The following FDFT1 variants were observed in gnomAD, a reference collection of about 807,000 sequenced individuals.
The protein encoded by FDFT1 is farnesyl-diphosphate farnesyltransferase 1, also known as squalene synthase.
FDFT1 carries 68 observed loss-of-function variants against 46.8 expected under a neutral mutation model. That is an observed-to-expected ratio of 1.45 (90% CI 1.19 to 1.78). The LOEUF (loss-of-function observed/expected upper bound fraction) is 1.78. Ranked by LOEUF, FDFT1 falls within the 40% of genes most tolerant of loss-of-function variation. The pLI, the probability that FDFT1 is intolerant of heterozygous loss-of-function variation, is 0.00. For missense variants in FDFT1, 928 were observed against 524.4 expected, an observed-to-expected ratio of 1.77 and a Z score of -7.52; for synonymous variants, 351 against 185.1, an observed-to-expected ratio of 1.90 and a Z score of -7.28.
chr8:11,797,618 GTC>G (rs1216735356), upstream of FDFT1, among the ~76,000 whole-genome samples: 1 of 112,760 alleles, frequency 8.9e-6, no homozygotes, highest in Non-Finnish European at 1.6e-5. Context: ...ATAAGACCCT[GTC>G]TGTCTCTCAC....
At chr8:11,810,577 G>A (rs1375014923) in intron 3 of FDFT1, among the ~76,000 whole-genome samples, 1 of 152,098 alleles carries the variant, frequency 6.6e-6, no homozygotes, top group Non-Finnish European at 1.5e-5. Context: ...TAGCTATTTG[G>A]TCTATTTTGT....
chr8:11,836,031 T>C (rs1811495139), intron 7 of FDFT1, among the ~76,000 whole-genome samples: 1 of 142,536 alleles, frequency 7.0e-6, no homozygotes, highest in Non-Finnish European at 1.5e-5. Context: ...CAGGTGCCTG[T>C]AATCCCACCT....
At chr8:11,800,841 C>T (rs982543591), upstream of FDFT1, among the ~76,000 whole-genome samples, 3 of 152,242 alleles carry the variant, frequency 2.0e-5, no homozygotes, top group East Asian at 1.9e-4. Flanking sequence ...CTTTTTATAC[C>T]GTCATGGCTG....
At chr8:11,831,728 T>A in intron 7 of FDFT1, 58 bp downstream of exon 7, 1 of 1,379,248 alleles carries the variant, frequency 7.3e-7, no homozygotes, top group East Asian at 2.3e-5. Flanking sequence ...TTTAGTAATG[T>A]CACTGTTTAA....
At position 11,821,841 on chromosome 8, in the gene FDFT1, T is replaced by C. The variant is rs757081603; in HGVS notation, c.473T>C (p.Leu158Ser). Residue 158 changes from leucine (L) to serine (S), a missense_variant, in exon 4 of 8, where the codon TTG (leucine) becomes TCG (serine). By Grantham distance (145) the Leu-to-Ser change is moderately radical. Coordinates refer to ENST00000220584, the MANE Select transcript of FDFT1 (RefSeq NM_004462.5). The part of the protein sequence containing the change: ...RRMGIGMAEF[L>S]DKHVTSEQEW... ...ATGGGCATTGGGATGGCAGAGTTTT[T>C]GGATAAGCATGTGACCTCTGAACAG... 1.9e-6 allele frequency: 3 copies of C among 1,613,636 alleles called. No individual in the cohort carries two copies. Among genetic ancestry groups the C allele is most frequent in the Admixed American group, 1.7e-5 (1 of 59,996 alleles).
At chr8:11,833,858 T>C (rs1811195843) in intron 7 of FDFT1, among the ~76,000 whole-genome samples, 1 of 152,212 alleles carries the variant, frequency 6.6e-6, no homozygotes, top group South Asian at 2.1e-4. Context: ...ACTCAAGGCA[T>C]TAGGGGAGAA....
upstream of FDFT1, chr8:11,802,081 T>TC: frequency 1.5e-5 from 7 of 455,376 alleles, no homozygotes; most frequent in South Asian, 1.1e-4. Context: ...AGCTCCTTTT[T>TC]CTAGGACTAA....
chr8:11,812,700 C>G (rs1366836546), intron 3 of FDFT1, among the ~76,000 whole-genome samples: 1 of 152,144 alleles, frequency 6.6e-6, no homozygotes, highest in South Asian at 2.1e-4. Context: ...TCCATTTGTC[C>G]TCTTATCCCA....
At chr8:11,805,124 C>T (rs1270626030) in intron 1 of FDFT1, among the ~76,000 whole-genome samples, 1 of 151,732 alleles carries the variant, frequency 6.6e-6, no homozygotes, top group Non-Finnish European at 1.5e-5. Flanking sequence ...GCTGCATTGC[C>T]CAGGCTGGTC....
intron 5 of FDFT1, among the ~76,000 whole-genome samples, chr8:11,827,519 A>G (rs991375006): frequency 6.8e-6 from 1 of 146,818 alleles, no homozygotes; most frequent in African/African-American, 2.5e-5. Flanking sequence ...CTGTCTCAAG[A>G]AAAAAAAAAA....
chr8:11,833,678 C>T (rs1811169199), intron 7 of FDFT1, among the ~76,000 whole-genome samples: 1 of 152,186 alleles, frequency 6.6e-6, no homozygotes, highest in African/African-American at 2.4e-5. Context: ...CAGAACACAG[C>T]CACACCCATT....
At chr8:11,802,112 TAG>T (rs1362373247), upstream of FDFT1, 1 of 454,470 alleles carries the variant, frequency 2.2e-6, no homozygotes, top group African/African-American at 2.0e-5. Flanking sequence ...AAGTAAACAC[TAG>T]AGAGGGGGCA....
At position 11,837,242 on chromosome 8, in the gene FDFT1, GT is replaced by G. The variant is rs200087386; in HGVS notation, c.1033-1140del. ...GACAGTTGTTCTTTTGTTTTTGTTTGTTTTTTGAGACAGGGTCTTGTTCTGT... is the reference window on the plus strand; with the variant it reads ...GACAGTTGTTCTTTTGTTTTTGTTTGTTTTTGAGACAGGGTCTTGTTCTGT... On this transcript the variant is annotated intron_variant, in intron 7 of 7. Transcript: ENST00000220584. Among the ~76,000 whole-genome samples the G allele has an allele frequency of 4.4e-3, 672 of 151,338 alleles. 9 individuals are homozygous for G. The highest frequency in any genetic ancestry group is 0.016 in the African/African-American group (643 of 40,664).
intron 1 of FDFT1, among the ~76,000 whole-genome samples, chr8:11,804,255 T>C (rs887945134): frequency 6.6e-6 from 1 of 152,208 alleles, no homozygotes; most frequent in Non-Finnish European, 1.5e-5. Context: ...CAGACCTCAT[T>C]TGGGTCCAGA....
intron 3 of FDFT1, among the ~76,000 whole-genome samples, chr8:11,810,204 G>A (rs1247631484): frequency 6.6e-6 from 1 of 152,158 alleles, no homozygotes; most frequent in African/African-American, 2.4e-5. Flanking sequence ...TATCAGTATT[G>A]GAAGTCCAGT....
At chr8:11,802,166 G>C (rs17553545), upstream of FDFT1, 6,344 of 447,678 alleles carry the variant, frequency 0.014, 218 homozygotes, top group Admixed American at 0.084. Flanking sequence ...GGGGCTGGAT[G>C]GCGGTGGCGG....
Position 11,809,352 on chromosome 8 carries a change from T to A in FDFT1, c.198-315T>A, listed in dbSNP as rs1807380757. ...TTTTTTGACTTTCTTTTCTATTTGC[T>A]ACATATTAGTTCGGTCTAAACGTTT... On this transcript the variant is annotated intron_variant, in intron 2 of 7. Transcript: ENST00000220584. The A allele has an allele frequency of 2.7e-6, 3 of 1,116,078 alleles. No homozygotes were observed. The South Asian group carries it at 9.6e-5, about 36-fold the overall frequency. The allele number at this position is 1,116,078 out of a possible 1,614,324, so 69.1% of individuals were successfully genotyped here. A position where few individuals can be genotyped will look rare whatever the true frequency, so the allele number is the denominator to read the frequency against.
intron 7 of FDFT1, 50 bp downstream of exon 7, chr8:11,831,720 T>C (rs532878343): frequency 2.1e-6 from 3 of 1,404,458 alleles, no homozygotes; most frequent in South Asian, 2.3e-5. Flanking sequence ...TTTTATGATT[T>C]AGTAATGTCA....
intron 1 of FDFT1, among the ~76,000 whole-genome samples, chr8:11,806,871 G>T (rs977707584): frequency 6.6e-6 from 1 of 152,126 alleles, no homozygotes; most frequent in Non-Finnish European, 1.5e-5. Context: ...ATATATTTAT[G>T]TGCCAGACGC....
Sources: allele counts gnomAD v4.1 joint callset (sites outside exome capture counted in the v4.1 genomes callset), GRCh38; gene constraint gnomAD v4.1.1; transcripts MANE v1.5; gene names NCBI Gene and HGNC (gene_info 2026-07-23, HGNC 2026-07-21).